The following PRKDC variants were observed in gnomAD, a reference collection of about 807,000 sequenced individuals.
PRKDC encodes the protein protein kinase, DNA-activated, catalytic subunit.
In PRKDC, 82 loss-of-function variants were observed where a neutral mutation model predicts 486.9. The observed-to-expected ratio is 0.17, with a 90% CI of 0.14 to 0.20. The LOEUF (loss-of-function observed/expected upper bound fraction) is 0.20. Among genes scored for constraint, PRKDC ranks in the 10% least tolerant of loss-of-function variants. The pLI is 1.00. For missense variants in PRKDC, 4,504 were observed against 5,038.2 expected, an observed-to-expected ratio of 0.89 and a Z score of 3.21; for synonymous variants, 1,895 against 1,837.0, an observed-to-expected ratio of 1.03 and a Z score of -0.81.
intron 76 of PRKDC, among the ~76,000 whole-genome samples, chr8:47,788,605 C>T (rs2086832314): frequency 6.6e-6 from 1 of 152,126 alleles, no homozygotes; most frequent in Non-Finnish European, 1.5e-5. Context: ...AATATTCAAG[C>T]CATTTGAAGA....
chr8:47,818,084 T>C (rs1210216637), intron 67 of PRKDC, among the ~76,000 whole-genome samples: 2 of 152,186 alleles, frequency 1.3e-5, no homozygotes, highest in Non-Finnish European at 2.9e-5. Flanking sequence ...CATAATAATC[T>C]TCACAAAACT....
At chr8:47,800,135 G>C (rs1183603627) in intron 71 of PRKDC, among the ~76,000 whole-genome samples, 2 of 152,018 alleles carry the variant, frequency 1.3e-5, no homozygotes, top group African/African-American at 4.8e-5. Context: ...TATAAATCAT[G>C]CTGCTATAAA....
chr8:47,931,434 C>CA (rs1396429160), intron 16 of PRKDC, among the ~76,000 whole-genome samples: 1 of 151,598 alleles, frequency 6.6e-6, no homozygotes, highest in East Asian at 1.9e-4. Flanking sequence ...CAGCAATGAA[C>CA]ACACATGTTC....
At chr8:47,945,922 C>T (rs1342962077) in intron 7 of PRKDC, among the ~76,000 whole-genome samples, 1 of 151,992 alleles carries the variant, frequency 6.6e-6, no homozygotes, top group Non-Finnish European at 1.5e-5. Flanking sequence ...TGGGGTTTCA[C>T]TATCTTGGCC....
At chr8:47,843,482 T>C (rs957547007) in intron 54 of PRKDC, among the ~76,000 whole-genome samples, 1 of 152,194 alleles carries the variant, frequency 6.6e-6, no homozygotes, top group South Asian at 2.1e-4. Context: ...TTTGAGGATA[T>C]AGTCCATGAA....
At position 47,859,673 on chromosome 8, in the gene PRKDC, C is replaced by T. The variant is rs765958594; in HGVS notation, c.6145G>A (p.Val2049Ile). Residue 2049 changes from valine (V) to isoleucine (I), a missense_variant, in exon 46 of 86, where the codon GTT becomes ATT. This residue lies in a region of PRKDC where 1,592 missense variants were observed against 1,724.6 expected (regional missense o/e 0.92). Transcript: ENST00000314191. ...EMSQFDFSTG[V>I]QSYSYSSQDP... is the part of the protein sequence containing the mutation. ...TGGGAGCTGTATGAATAGCTCTGAA[C>T]TCCGGTTGAGAAATCAAATTGACTC... is the stretch of plus-strand genomic sequence containing the variant. 3 of 1,613,948 alleles carry T rather than the reference C, an allele frequency of 1.9e-6. No homozygotes were observed. The South Asian group carries it at 3.3e-5, about 18-fold the overall frequency.
intron 31 of PRKDC, among the ~76,000 whole-genome samples, 190 bp from the exon 32 acceptor site, chr8:47,890,670 T>C (rs2089438706): frequency 6.6e-6 from 1 of 152,190 alleles, no homozygotes. Flanking sequence ...AAAGGACACA[T>C]TGATGGAAAG....
chr8:47,782,436 C>A lies in PRKDC; in HGVS notation c.11338G>T (p.Ala3780Ser). The A allele has an allele frequency of 6.3e-7, 1 of 1,598,958 alleles. No homozygotes were observed. Among genetic ancestry groups the A allele is most frequent in the African/African-American group, 1.3e-5 (1 of 74,814 alleles). ...AGCTGCAGGGCCCTCTGGCTGCAGG[C>A]GGAGTCTTGGGCCAGGATCCCATTC... ...VMNGILAQDS[A>S]CSQRALQLRT... Residue 3780 changes from alanine (A) to serine (S), a missense_variant, in exon 79 of 86, where the codon GCC becomes TCC. Coordinates refer to ENST00000314191, the MANE Select transcript of PRKDC (RefSeq NM_006904.7). The surrounding 1 kb of genome is among the most constrained non-coding windows in gnomAD (Gnocchi z 4.9).
chr8:47,788,209 C>A (rs8178233), intron 76 of PRKDC, among the ~76,000 whole-genome samples: 9 of 152,146 alleles, frequency 5.9e-5, no homozygotes, highest in Non-Finnish European at 1.2e-4. Context: ...GAGATCCCTG[C>A]GTGGGGAGGG....
chr8:47,783,601 G>A (rs1589692581), intron 78 of PRKDC, 141 bp downstream of exon 78: 15 of 763,358 alleles, frequency 2.0e-5, no homozygotes, highest in East Asian at 3.0e-5. Flanking sequence ...AAAAAAAAAA[G>A]AGGAATTCAG....
chr8:47,935,891 C>T lies in PRKDC; in HGVS notation c.1288G>A (p.Val430Met). The change falls in exon 13 of 86, where the codon GTG (valine) becomes ATG (methionine). Residue 430 changes from valine (V) to methionine (M), a missense_variant. Coordinates refer to ENST00000314191, the MANE Select transcript of PRKDC (RefSeq NM_006904.7). ...VLLYLDTVPEVYTPVLEHLVV... is the reference protein window; with the variant it reads ...VLLYLDTVPEMYTPVLEHLVV... ...AGGTGCTCCAGAACTGGAGTATACA[C>T]CTCAGGAACCTACCGGAAATAATCA... The T allele has an allele frequency of 6.2e-7, 1 of 1,611,794 alleles. No individual in the cohort carries two copies. Among genetic ancestry groups the T allele is most frequent in the South Asian group, 1.1e-5 (1 of 90,624 alleles).
chr8:47,788,348 G>A (rs972213438), intron 76 of PRKDC, among the ~76,000 whole-genome samples: 1 of 152,224 alleles, frequency 6.6e-6, no homozygotes, highest in Non-Finnish European at 1.5e-5. Context: ...CAGTCTACTT[G>A]CTCCATCATT....
At chr8:47,874,949 C>T (rs1047361452) in intron 40 of PRKDC, among the ~76,000 whole-genome samples, 5 of 151,820 alleles carry the variant, frequency 3.3e-5, no homozygotes, top group African/African-American at 1.2e-4. Context: ...CAGCTACTCA[C>T]GAGGCTGAAG....
At chr8:47,883,099 G>A (rs1390809466) in intron 36 of PRKDC, among the ~76,000 whole-genome samples, 7 of 152,196 alleles carry the variant, frequency 4.6e-5, no homozygotes, top group East Asian at 1.9e-4. Flanking sequence ...CAGCAGCATC[G>A]TGATGAGAGT....
intron 40 of PRKDC, among the ~76,000 whole-genome samples, chr8:47,873,159 T>C (rs2088996923): frequency 2.1e-5 from 3 of 143,216 alleles, no homozygotes; most frequent in Non-Finnish European, 4.5e-5. Flanking sequence ...AAATAGAACT[T>C]CCATATGATC....
chr8:47,938,778 T>A (rs2090394126), intron 11 of PRKDC, among the ~76,000 whole-genome samples: 1 of 152,122 alleles, frequency 6.6e-6, no homozygotes, highest in African/African-American at 2.4e-5. Flanking sequence ...GCCAGGCTGG[T>A]CTCAAACCCC....
At chr8:47,853,867 T>C (rs896529586) in intron 51 of PRKDC, among the ~76,000 whole-genome samples, 3 of 152,190 alleles carry the variant, frequency 2.0e-5, no homozygotes, top group African/African-American at 7.2e-5. Flanking sequence ...GGTCTTGCTA[T>C]GCTGTCCAGG....
At chr8:47,941,515 G>T (rs2090445066) in intron 10 of PRKDC, among the ~76,000 whole-genome samples, 1 of 152,294 alleles carries the variant, frequency 6.6e-6, no homozygotes, top group African/African-American at 2.4e-5. Context: ...AGGTTTGGGG[G>T]AGCACCCAGT....
At chr8:47,905,971 T>G (rs2089773520) in intron 25 of PRKDC, among the ~76,000 whole-genome samples, 1 of 152,180 alleles carries the variant, frequency 6.6e-6, no homozygotes, top group African/African-American at 2.4e-5. Flanking sequence ...TGTGACCATG[T>G]GGCCATCTTG....
Sources: gnomAD v4.1 joint callset for allele counts (sites outside exome capture counted in the v4.1 genomes callset) on GRCh38, gnomAD v4.1.1 for gene constraint, gnomAD v4.1.1 regional missense constraint, Gnocchi (gnomAD v3.1) non-coding constraint, MANE v1.5 for transcripts, NCBI Gene and HGNC (gene_info 2026-07-23, HGNC 2026-07-21) for gene names.